The following BABAM2 variants were observed in gnomAD, a reference collection of about 807,000 sequenced individuals.
BABAM2 encodes BRISC and BRCA1-A complex member 2.
In BABAM2, 31 loss-of-function variants were observed where a neutral mutation model predicts 54.7. The observed-to-expected ratio is 0.57, with a 90% CI of 0.43 to 0.77. BABAM2 has a LOEUF of 0.77. Ranked by LOEUF, BABAM2 falls within the 30% of genes least tolerant of loss-of-function variation. The probability of loss-of-function intolerance (pLI) is 0.00; values close to 1 mark genes in which losing one functional copy is unlikely to be tolerated. For missense variants in BABAM2, 364 were observed against 455.8 expected (o/e 0.80, Z 1.83); for synonymous variants, 167 against 162.9 (o/e 1.03, Z -0.19).
At chr2:28,102,035 C>G (rs1206906847) in intron 6 of BABAM2, among the ~76,000 whole-genome samples, 2 of 152,140 alleles carry the variant, frequency 1.3e-5, no homozygotes, top group Non-Finnish European at 2.9e-5. Context: ...AACAAGATAA[C>G]TCCTATAGTG....
At position 28,248,207 on chromosome 2, in the gene BABAM2, C is replaced by CT. The variant is rs780563394; in HGVS notation, c.934+3364dup. On this transcript the variant is annotated intron_variant, in intron 10 of 11. Coordinates refer to ENST00000379624, the MANE Select transcript of BABAM2 (RefSeq NM_199191.3). Reference sequence around the variant, plus strand: ...AGTAGCTTTTGTTTATTTTCTTTTTCTTTTTTTTTTTTTTTTTTTGAGACG... The same window carrying CT: ...AGTAGCTTTTGTTTATTTTCTTTTTCTTTTTTTTTTTTTTTTTTTTGAGACG... 7.3e-3 allele frequency among the ~76,000 whole-genome samples: 394 copies of CT among 54,316 alleles called. 12 individuals are homozygous for CT. The highest frequency in any genetic ancestry group is 0.025 in the African/African-American group (379 of 15,054). The allele number at this position is 54,316 out of a possible 152,430, so 35.6% of individuals were successfully genotyped here.
intron 6 of BABAM2, among the ~76,000 whole-genome samples, chr2:28,095,582 A>G (rs1200416584): frequency 6.6e-6 from 1 of 152,184 alleles, no homozygotes; most frequent in Non-Finnish European, 1.5e-5. Context: ...AAACAAACAA[A>G]CAAAAACATA....
intron 7 of BABAM2, 113 bp downstream of exon 7, chr2:28,129,493 G>C: frequency 1.0e-6 from 1 of 991,236 alleles, no homozygotes; most frequent in Admixed American, 2.4e-5. Flanking sequence ...ATTGACTTTT[G>C]TTTTCTTAAA....
rs1410442468 is a variant in BABAM2 at position 28,322,603 on chromosome 2, G to A, written c.1089-15847G>A. On this transcript the variant is annotated intron_variant, in intron 11 of 11. Coordinates refer to ENST00000379624, the MANE Select transcript of BABAM2 (RefSeq NM_199191.3). The surrounding 1 kb of genome is among the most constrained non-coding windows in gnomAD (Gnocchi z 4.1). ...AGGTTCTCTGGTTAGCACCAAATGA[G>A]TGGCTCAACAGTTCGTGTTGTGGAG... 1.3e-5 allele frequency among the ~76,000 whole-genome samples: 2 copies of A among 152,238 alleles called. No homozygotes were observed. The highest frequency in any genetic ancestry group is 4.8e-5 in the African/African-American group (2 of 41,470).
At chr2:28,147,598 C>T (rs1193776546) in intron 7 of BABAM2, among the ~76,000 whole-genome samples, 1 of 151,848 alleles carries the variant, frequency 6.6e-6, no homozygotes, top group Non-Finnish European at 1.5e-5. Flanking sequence ...CTCAGCCTCC[C>T]GAGTAGCTGG....
chr2:28,040,630 A>C (rs538167138), intron 5 of BABAM2, among the ~76,000 whole-genome samples: 1 of 152,262 alleles, frequency 6.6e-6, no homozygotes, highest in East Asian at 1.9e-4. Context: ...CTTAGCGTTC[A>C]ACATTTCCAG....
At chr2:27,897,246 T>C (rs1238652888) in intron 2 of BABAM2, 1 of 151,310 alleles carries the variant, frequency 6.6e-6, no homozygotes, top group Non-Finnish European at 1.5e-5. Flanking sequence ...TAGACTGTTT[T>C]GCCTTTTGCC....
In BABAM2 at chr2:28,183,739, T is replaced by TCACACACACACACACACA. The variant is rs1286120518; in HGVS notation, c.681-53445_681-53428dup. Among the ~76,000 whole-genome samples the TCACACACACACACACACA allele has an allele frequency of 8.0e-3, 1,070 of 133,154 alleles. 9 individuals carry two copies. The highest frequency in any genetic ancestry group is 9.7e-3 in the East Asian group (45 of 4,640). The allele number at this position is 133,154 out of a possible 152,430, so 87.4% of individuals were successfully genotyped here. On this transcript the variant is annotated intron_variant, in intron 7 of 11. Coordinates refer to ENST00000379624, the MANE Select transcript of BABAM2 (RefSeq NM_199191.3). Reference sequence around the variant, plus strand: ...ATTTTATGTTACTTTTGGATGAAGATCACACACACACACACACACACACAC... The same window carrying TCACACACACACACACACA: ...ATTTTATGTTACTTTTGGATGAAGATCACACACACACACACACACACACACACACACACACACACACAC...
chr2:28,109,745 T>A (rs1466598126), intron 6 of BABAM2, among the ~76,000 whole-genome samples: 1 of 152,226 alleles, frequency 6.6e-6, no homozygotes, highest in Non-Finnish European at 1.5e-5. Flanking sequence ...GTGACCAGTA[T>A]GAAAAGTATT....
At chr2:28,300,890 A>G (rs758584212) in intron 11 of BABAM2, among the ~76,000 whole-genome samples, 4 of 152,200 alleles carry the variant, frequency 2.6e-5, no homozygotes, top group African/African-American at 7.2e-5. Context: ...TTTAAATGTA[A>G]TAAAAGAGAA....
chr2:28,076,976 A>G (rs1190118103), intron 6 of BABAM2, among the ~76,000 whole-genome samples: 2 of 152,188 alleles, frequency 1.3e-5, no homozygotes, highest in African/African-American at 4.8e-5. Context: ...ATATTCTTTC[A>G]TTAATTAGAA....
chr2:28,241,232 T>C (rs1682399959), intron 8 of BABAM2, 91 bp from the exon 9 acceptor site: 12 of 1,276,938 alleles, frequency 9.4e-6, no homozygotes, highest in Non-Finnish European at 1.2e-5. Context: ...ACTTTACTAT[T>C]CTTTCTGCTT....
intron 5 of BABAM2, among the ~76,000 whole-genome samples, chr2:28,026,819 T>G (rs1212398248): frequency 1.1e-5 from 1 of 87,684 alleles, no homozygotes; most frequent in African/African-American, 5.2e-5. Context: ...TATAAATATA[T>G]ATTTATATAT....
At position 27,905,321 on chromosome 2, in the gene BABAM2, G is replaced by A. The variant is rs1419524529; in HGVS notation, c.128+10637G>A. 2.6e-5 allele frequency among the ~76,000 whole-genome samples: 4 copies of A among 152,180 alleles called. 1 individual carries two copies. Among genetic ancestry groups the A allele is most frequent in the Non-Finnish European group, 5.9e-5 (4 of 68,026 alleles). ...TAGAGGGGTTGTGTGGCAGGATAAT[G>A]TGATGGTAAGCATGTGGGTTTTTCA... On this transcript the variant is annotated intron_variant, in intron 2 of 11. Transcript: ENST00000379624.
intron 7 of BABAM2, among the ~76,000 whole-genome samples, chr2:28,170,628 A>G (rs2147848211): frequency 6.6e-6 from 1 of 152,308 alleles, no homozygotes; most frequent in East Asian, 1.9e-4. Flanking sequence ...TTTGATTGAT[A>G]GTATCACATT....
intron 2 of BABAM2, among the ~76,000 whole-genome samples, chr2:27,912,360 G>A (rs1022134733): frequency 2.6e-5 from 4 of 151,900 alleles, no homozygotes; most frequent in Non-Finnish European, 4.4e-5. Flanking sequence ...ATTTCTTACA[G>A]CACAGCACAA....
chr2:28,020,041 C>T (rs1013512290), intron 4 of BABAM2, among the ~76,000 whole-genome samples: 2 of 152,198 alleles, frequency 1.3e-5, no homozygotes, highest in Non-Finnish European at 2.9e-5. Flanking sequence ...GTGACCACTA[C>T]ACTTTAGCAT....
chr2:27,925,710 C>T (rs924218181), intron 2 of BABAM2, among the ~76,000 whole-genome samples: 1 of 152,122 alleles, frequency 6.6e-6, no homozygotes, highest in Non-Finnish European at 1.5e-5. Context: ...ATAACCACAC[C>T]CTGAAACACT....
chr2:28,055,573 G>A (rs1163529147), intron 6 of BABAM2, among the ~76,000 whole-genome samples: 1 of 152,192 alleles, frequency 6.6e-6, no homozygotes, highest in South Asian at 2.1e-4. Context: ...TCTGACAATG[G>A]TATATATATT....
Sources: gnomAD v4.1 joint callset for allele counts (sites outside exome capture counted in the v4.1 genomes callset) on GRCh38, gnomAD v4.1.1 for gene constraint, Gnocchi (gnomAD v3.1) non-coding constraint, MANE v1.5 for transcripts, NCBI Gene and HGNC (gene_info 2026-07-23, HGNC 2026-07-21) for gene names.